The following CADPS2 variants were observed in gnomAD, a reference collection of about 807,000 sequenced individuals.
CADPS2 encodes calcium-dependent secretion activator 2.
A neutral mutation model predicts 172.5 loss-of-function variants in CADPS2; 93 were observed. The ratio of observed to expected loss-of-function variants is 0.54; its 90% CI spans 0.46 to 0.64. CADPS2 has a LOEUF of 0.64. CADPS2 is among the 30% of genes least tolerant of loss of function. CADPS2 has a pLI of 0.00. For synonymous variants in CADPS2, 546 were observed against 555.2 expected (o/e 0.98, Z 0.23); for missense variants, 1,420 against 1,565.9 (o/e 0.91, Z 1.57).
intron 6 of CADPS2, among the ~76,000 whole-genome samples, chr7:122,588,622 G>T (rs757283207): frequency 3.3e-5 from 5 of 151,922 alleles, no homozygotes; most frequent in African/African-American, 1.2e-4. Context: ...CAAACATTCA[G>T]TATTTATTTG....
chr7:122,842,244 G>A (rs755026909), intron 1 of CADPS2, among the ~76,000 whole-genome samples: 3 of 152,102 alleles, frequency 2.0e-5, no homozygotes, highest in Admixed American at 6.6e-5. Flanking sequence ...GACCAAACTC[G>A]ACTACAGCCA....
intron 1 of CADPS2, among the ~76,000 whole-genome samples, chr7:122,740,531 T>C (rs2092408078): frequency 6.6e-6 from 1 of 152,108 alleles, no homozygotes; most frequent in African/African-American, 2.4e-5. Flanking sequence ...AGATCAGCTG[T>C]TGATAACAGT....
intron 11 of CADPS2, among the ~76,000 whole-genome samples, chr7:122,489,505 A>G (rs2058103635): frequency 6.6e-6 from 1 of 152,154 alleles, no homozygotes; most frequent in Admixed American, 6.6e-5. Context: ...ATAATTATTA[A>G]GCATCAGTCA....
intron 2 of CADPS2, among the ~76,000 whole-genome samples, chr7:122,710,587 A>G (rs575273639): frequency 2.6e-5 from 4 of 152,174 alleles, no homozygotes; most frequent in African/African-American, 9.6e-5. Context: ...CGCCAAGCAC[A>G]CTGCTAGCTT....
At chr7:122,553,817 C>T (rs945748983) in intron 8 of CADPS2, among the ~76,000 whole-genome samples, 4 of 152,126 alleles carry the variant, frequency 2.6e-5, no homozygotes, top group Admixed American at 1.3e-4. Context: ...AGAAAAATGG[C>T]CCCTTTTCTT....
intron 24 of CADPS2, among the ~76,000 whole-genome samples, chr7:122,382,039 T>C (rs1485348009): frequency 6.6e-6 from 1 of 152,096 alleles, no homozygotes; most frequent in East Asian, 1.9e-4. Flanking sequence ...AGAGAAAAGA[T>C]GGCCCGAGAA....
intron 1 of CADPS2, among the ~76,000 whole-genome samples, chr7:122,764,487 T>C (rs759696932): frequency 6.6e-6 from 1 of 152,098 alleles, no homozygotes; most frequent in Non-Finnish European, 1.5e-5. Flanking sequence ...AGAAAACAAA[T>C]AGTCTATCTT....
chr7:122,562,884 A>T (rs113679018), intron 7 of CADPS2, among the ~76,000 whole-genome samples: 26 of 152,054 alleles, frequency 1.7e-4, no homozygotes, highest in East Asian at 7.7e-4. Context: ...AAACTGAAAA[A>T]TTTTTTTAAA....
chr7:122,849,919 TCTGGCCCAGGCCCCAGCTC>T, intron 1 of CADPS2: 5 of 563,062 alleles, frequency 8.9e-6, no homozygotes, highest in South Asian at 6.8e-5. Context: ...TGGCATCAGC[TCTGGCCCAGGCCCCAGCTC>T]CTGGCCCAGT....
At chr7:122,527,647 TGTG>T (rs1563602304) in intron 8 of CADPS2, among the ~76,000 whole-genome samples, 99 of 146,796 alleles carry the variant, frequency 6.7e-4, no homozygotes, top group African/African-American at 2.5e-3. Context: ...TGTGTGTGTG[TGTG>T]TGTTTCCTGC....
rs201255578 is a variant in CADPS2 at position 122,698,600 on chromosome 7, G to A, written c.454-35031C>T. The A allele has an allele frequency of 6.1e-5, 98 of 1,613,884 alleles. No homozygotes were observed. Among genetic ancestry groups the A allele is most frequent in the African/African-American group, 6.7e-5 (5 of 75,018 alleles). Reference sequence around the variant, plus strand: ...TTCTGTGTGAAGGTACAACCTCCCCGTTCAATAAGTGCAAGCCAGGTCTCT... The same window carrying A: ...TTCTGTGTGAAGGTACAACCTCCCCATTCAATAAGTGCAAGCCAGGTCTCT... On this transcript the variant is annotated intron_variant, in intron 2 of 29. Transcript: ENST00000449022.
chr7:122,512,145 C>T (rs896377582), intron 9 of CADPS2, among the ~76,000 whole-genome samples: 1 of 152,056 alleles, frequency 6.6e-6, no homozygotes, highest in Non-Finnish European at 1.5e-5. Context: ...CTACTTTTCA[C>T]TGAGTTTTCA....
intron 2 of CADPS2, among the ~76,000 whole-genome samples, chr7:122,664,726 A>G (rs1455805354): frequency 6.6e-6 from 1 of 152,228 alleles, no homozygotes; most frequent in East Asian, 1.9e-4. Context: ...GGACAATTTA[A>G]TAGAACCTCC....
chr7:122,835,818 G>C (rs912151928), intron 1 of CADPS2, among the ~76,000 whole-genome samples: 6 of 152,220 alleles, frequency 3.9e-5, no homozygotes, highest in African/African-American at 1.2e-4. Context: ...GCACCTGAAA[G>C]TGACGGGGAG....
chr7:122,839,379 C>G (rs1047959257), intron 1 of CADPS2, among the ~76,000 whole-genome samples: 2 of 152,114 alleles, frequency 1.3e-5, no homozygotes, highest in Admixed American at 1.3e-4. Context: ...GCAAGGACTT[C>G]ATGTCTAAAA....
At chr7:122,361,082 T>C (rs1465432889) in intron 25 of CADPS2, 69 bp from the exon 26 acceptor site, 14 of 1,299,962 alleles carry the variant, frequency 1.1e-5, no homozygotes, top group Non-Finnish European at 1.1e-6. Context: ...GACAAACAAT[T>C]CCTGAATCAA....
chr7:122,362,458 A>G (rs1375570207), intron 25 of CADPS2, among the ~76,000 whole-genome samples: 1 of 152,216 alleles, frequency 6.6e-6, no homozygotes, highest in Non-Finnish European at 1.5e-5. Flanking sequence ...ATTAGTCTCA[A>G]AAGTGGTTTA....
At chr7:122,640,791 G>A (rs914983237) in intron 3 of CADPS2, among the ~76,000 whole-genome samples, 4 of 151,880 alleles carry the variant, frequency 2.6e-5, no homozygotes, top group African/African-American at 4.8e-5. Flanking sequence ...AAAATTAGCC[G>A]GACTTGGCGG....
chr7:122,706,768 GTA>G (rs1318488615), intron 2 of CADPS2, among the ~76,000 whole-genome samples: 1 of 146,916 alleles, frequency 6.8e-6, no homozygotes, highest in Non-Finnish European at 1.5e-5. Flanking sequence ...TATATAAAAT[GTA>G]TGTGTGTGTG....
Sources: allele counts gnomAD v4.1 joint callset (sites outside exome capture counted in the v4.1 genomes callset), GRCh38; gene constraint gnomAD v4.1.1; transcripts MANE v1.5; gene names NCBI Gene and HGNC (gene_info 2026-07-23, HGNC 2026-07-21).